The following COL15A1 variants were observed in gnomAD, a reference collection of about 807,000 sequenced individuals.
COL15A1 encodes collagen alpha-1(XV) chain.
A neutral mutation model predicts 165.9 loss-of-function variants in COL15A1; 111 were observed. That is an observed-to-expected ratio of 0.67 (90% CI 0.57 to 0.78). COL15A1 has a LOEUF of 0.78. Among genes scored for constraint, COL15A1 ranks in the 30% least tolerant of loss-of-function variants. COL15A1 has a pLI of 0.00. For synonymous variants in COL15A1, 659 were observed against 674.8 expected, an observed-to-expected ratio of 0.98 and a Z score of 0.36; for missense variants, 1,745 against 1,789.7, an observed-to-expected ratio of 0.98 and a Z score of 0.45.
At chr9:99,059,496 G>A (rs1384946126) in intron 35 of COL15A1, among the ~76,000 whole-genome samples, 2 of 152,194 alleles carry the variant, frequency 1.3e-5, no homozygotes, top group Non-Finnish European at 1.5e-5. Context: ...CTCTTTCTGA[G>A]CCTGCTTCCT....
chr9:99,059,882 G>T lies in COL15A1; in HGVS notation c.3338-7G>T. On this transcript the variant is annotated splice_region_variant and splice_polypyrimidine_tract_variant and intron_variant, in intron 35 of 41. Coordinates refer to ENST00000375001, the MANE Select transcript of COL15A1 (RefSeq NM_001855.5). ...TTGTGTAACTTCTCTTTTCTGTTTT[G>T]TCTTAGCTGTGGCCCTTCCAGGTCC... is the stretch of plus-strand genomic sequence containing the variant. The T allele has an allele frequency of 1.2e-6, 2 of 1,613,076 alleles. No individual in the cohort carries two copies. Among genetic ancestry groups the T allele is most frequent in the South Asian group, 1.1e-5 (1 of 90,928 alleles).
In COL15A1 at chr9:98,943,985, G is replaced by T. The variant is rs1246948736; in HGVS notation, c.-77G>T. ...GCGAGCGCGGCGGCCAGCGCTCAGCGACCCTTCGTCCTCCGCTAAGCTCCA... is the reference window on the plus strand; with the variant it reads ...GCGAGCGCGGCGGCCAGCGCTCAGCTACCCTTCGTCCTCCGCTAAGCTCCA... On this transcript the variant is annotated 5_prime_UTR_variant, in exon 1 of 42. Transcript: ENST00000375001. 1.0e-5 allele frequency: 16 copies of T among 1,588,928 alleles called. No homozygotes were observed. Among genetic ancestry groups the T allele is most frequent in the Non-Finnish European group, 1.3e-5 (15 of 1,162,478 alleles).
chr9:99,004,947 A>T lies in COL15A1; in HGVS notation c.1250A>T (p.Glu417Val), dbSNP rs1466994976. 6 of 1,613,940 alleles carry T rather than the reference A, an allele frequency of 3.7e-6. No individual in the cohort carries two copies. Among genetic ancestry groups the T allele is most frequent in the Non-Finnish European group, 8.5e-7 (1 of 1,179,984 alleles). The stretch of plus-strand genomic sequence containing the variant: ...GCAGCAACAGCAGCAGGGGAGGCCG[A>T]GGCACTCGCCAGCATGCCTGGGGAA... ...RLAATAAGEA[E>V]ALASMPGEVE... The change falls in exon 9 of 42, where the codon GAG becomes GTG. Residue 417 changes from glutamate (E) to valine (V), a missense_variant. Glu to Val is a moderately radical substitution (Grantham distance 121). Coordinates refer to ENST00000375001, the MANE Select transcript of COL15A1 (RefSeq NM_001855.5).
At chr9:98,967,696 A>G (rs1334794359) in intron 2 of COL15A1, among the ~76,000 whole-genome samples, 1 of 152,084 alleles carries the variant, frequency 6.6e-6, no homozygotes, top group Non-Finnish European at 1.5e-5. Context: ...AGCAGTTACA[A>G]TCCTGCCCCT....
At position 99,034,583 on chromosome 9, in the gene COL15A1, A is replaced by T; in HGVS notation, c.2078A>T (p.Lys693Met). 1 of 1,467,322 alleles carries T rather than the reference A, an allele frequency of 6.8e-7. No homozygotes were observed. The highest frequency in any genetic ancestry group is 8.9e-7 in the Non-Finnish European group (1 of 1,117,654). 90.9% of individuals were successfully genotyped at this position (1,467,322 alleles called of 1,614,324 possible). A position where few individuals can be genotyped will look rare whatever the true frequency, so the allele number is the denominator to read the frequency against. ...GGGCCTAATGGCTCAGTTGGTGAAA[A>T]GGTAAAAAAAAAAAAAAAAAAAAAA... is the stretch of plus-strand genomic sequence containing the variant. ...ARGPNGSVGE[K>M]GDPGNRGLPG... is the part of the protein sequence containing the mutation. Residue 693 changes from lysine (K) to methionine (M), a missense_variant and splice_region_variant, in exon 17 of 42, where the codon AAG (lysine) becomes ATG (methionine). Transcript: ENST00000375001.
intron 2 of COL15A1, among the ~76,000 whole-genome samples, chr9:98,961,424 G>A (rs1157968635): frequency 4.6e-5 from 7 of 152,194 alleles, no homozygotes; most frequent in Admixed American, 2.6e-4. Context: ...CCCAAGGAAT[G>A]GGATTTAAGA....
At chr9:98,968,753 G>T (rs1406762104) in intron 2 of COL15A1, among the ~76,000 whole-genome samples, 1 of 152,012 alleles carries the variant, frequency 6.6e-6, no homozygotes, top group Non-Finnish European at 1.5e-5. Flanking sequence ...TTATTAAGTT[G>T]TTCCTTCAGC....
chr9:99,018,084 G>A (rs549987137), intron 11 of COL15A1, among the ~76,000 whole-genome samples: 2 of 152,258 alleles, frequency 1.3e-5, no homozygotes, highest in Admixed American at 1.3e-4. Flanking sequence ...AGAGTGATCT[G>A]GTACCTTTGT....
intron 5 of COL15A1, among the ~76,000 whole-genome samples, chr9:98,994,375 G>C (rs547154617): frequency 6.6e-6 from 1 of 152,126 alleles, no homozygotes; most frequent in Non-Finnish European, 1.5e-5. Context: ...TAGTTCCTGC[G>C]GTTCTGTTTG....
chr9:99,003,846 G>T (rs61462449), intron 8 of COL15A1, among the ~76,000 whole-genome samples: 1 of 152,182 alleles, frequency 6.6e-6, no homozygotes, highest in Non-Finnish European at 1.5e-5. Flanking sequence ...AGACAGGGTG[G>T]TAAGAGGGGC....
intron 2 of COL15A1, among the ~76,000 whole-genome samples, chr9:98,977,633 G>A (rs987338773): frequency 1.3e-5 from 2 of 152,170 alleles, no homozygotes; most frequent in Admixed American, 6.5e-5. Context: ...ATTCATGGCT[G>A]GCCTCCCTCT....
intron 39 of COL15A1, among the ~76,000 whole-genome samples, chr9:99,066,597 C>CTGTTTTTTTTTTTTTT (rs1825895031): frequency 1.5e-5 from 1 of 65,120 alleles, no homozygotes; most frequent in Non-Finnish European, 3.0e-5. Context: ...ATATTTTGTT[C>CTGTTTTTTTTTTTTTT]TGTTTTTTTT....
intron 2 of COL15A1, among the ~76,000 whole-genome samples, chr9:98,963,136 A>G (rs1257379216): frequency 1.3e-5 from 2 of 152,214 alleles, no homozygotes; most frequent in African/African-American, 4.8e-5. Context: ...ATTTCCAAGA[A>G]TCACTCTTTG....
chr9:99,036,129 A>G, intron 19 of COL15A1, 41 bp from the exon 20 acceptor site: 1 of 1,538,182 alleles, frequency 6.5e-7, no homozygotes, highest in South Asian at 1.1e-5. Flanking sequence ...GGAGGTGAGC[A>G]AAGTGACTAG....
At chr9:98,956,686 C>T (rs1375808909) in intron 2 of COL15A1, among the ~76,000 whole-genome samples, 1 of 152,226 alleles carries the variant, frequency 6.6e-6, no homozygotes, top group South Asian at 2.1e-4. Context: ...ACTGCAGCCA[C>T]AGTAATCTTC....
At chr9:98,956,263 G>A (rs868495940) in intron 2 of COL15A1, among the ~76,000 whole-genome samples, 3 of 152,170 alleles carry the variant, frequency 2.0e-5, no homozygotes, top group African/African-American at 4.8e-5. Flanking sequence ...CCGAGATCAT[G>A]CCACTACATT....
chr9:99,017,850 G>A (rs1212475193), intron 11 of COL15A1, among the ~76,000 whole-genome samples: 1 of 152,184 alleles, frequency 6.6e-6, no homozygotes, highest in Non-Finnish European at 1.5e-5. Context: ...ACCTAAAAAT[G>A]TCACAAAGGA....
At chr9:98,970,156 T>A (rs1838023232) in intron 2 of COL15A1, among the ~76,000 whole-genome samples, 1 of 151,816 alleles carries the variant, frequency 6.6e-6, no homozygotes, top group Non-Finnish European at 1.5e-5. Flanking sequence ...GGGCTCCGTA[T>A]ACAGGAACTA....
rs77260696 is a variant in COL15A1, at chr9:99,026,144, C to T, written c.2043+178C>T. Among the ~76,000 whole-genome samples, 116 of 152,306 alleles carry T rather than the reference C, an allele frequency of 7.6e-4. 4 individuals carry two copies. In the East Asian group the frequency reaches 0.017, roughly 22 times the overall value. On this transcript the variant is annotated intron_variant, in intron 16 of 41. Coordinates refer to ENST00000375001, the MANE Select transcript of COL15A1 (RefSeq NM_001855.5). ...GGGACTCATCATGCCCAAGCCTGAACTCAGCACCTTCCCTGCCCACTCTTG... is the reference window on the plus strand; with the variant it reads ...GGGACTCATCATGCCCAAGCCTGAATTCAGCACCTTCCCTGCCCACTCTTG...
Sources: gnomAD v4.1 joint callset for allele counts (sites outside exome capture counted in the v4.1 genomes callset) on GRCh38, gnomAD v4.1.1 for gene constraint, MANE v1.5 for transcripts, NCBI Gene and HGNC (gene_info 2026-07-23, HGNC 2026-07-21) for gene names.